The following BMAL2 variants were observed in gnomAD, a reference collection of about 807,000 sequenced individuals.
BMAL2 encodes basic helix-loop-helix ARNT-like protein 2.
the BMAL2 span, among the ~76,000 whole-genome samples, chr12:27,388,993 T>C: frequency 6.6e-6 from 1 of 152,238 alleles, no homozygotes; most frequent in East Asian, 1.9e-4. Flanking sequence ...TATACGCATG[T>C]ATTTTTTTCT....
chr12:27,381,463 T>C, the BMAL2 span, among the ~76,000 whole-genome samples: 1 of 152,122 alleles, frequency 6.6e-6, no homozygotes, highest in Non-Finnish European at 1.5e-5. Flanking sequence ...GCCGGCATCT[T>C]ACATGGCAGG....
At chr12:27,338,089 C>T in the BMAL2 span, among the ~76,000 whole-genome samples, 4 of 152,302 alleles carry the variant, frequency 2.6e-5, no homozygotes, top group East Asian at 5.8e-4. Context: ...CAATTTCTTG[C>T]ACCTATTAAG....
At chr12:27,415,162 G>C in the BMAL2 span, among the ~76,000 whole-genome samples, 1 of 152,190 alleles carries the variant, frequency 6.6e-6, no homozygotes, top group Non-Finnish European at 1.5e-5. Context: ...TGCAGCATGA[G>C]AACTAACTAT....
the BMAL2 span, among the ~76,000 whole-genome samples, chr12:27,374,705 G>A: frequency 4.6e-5 from 7 of 152,148 alleles, no homozygotes; most frequent in African/African-American, 9.7e-5. Flanking sequence ...ACAGGCTGAC[G>A]GTGGTGAGAG....
At chr12:27,371,667 G>T in the BMAL2 span, among the ~76,000 whole-genome samples, 3 of 152,034 alleles carry the variant, frequency 2.0e-5, no homozygotes, top group South Asian at 2.1e-4. Context: ...ATTTTTTAAA[G>T]AATTCATTGC....
At chr12:27,389,893 G>C in the BMAL2 span, 1 of 450,270 alleles carries the variant, frequency 2.2e-6, no homozygotes, top group Non-Finnish European at 3.8e-6. Flanking sequence ...GCAAATGTCT[G>C]TAAGTTATCA....
the BMAL2 span, among the ~76,000 whole-genome samples, chr12:27,374,797 C>T: frequency 1.3e-5 from 2 of 152,182 alleles, no homozygotes; most frequent in African/African-American, 4.8e-5. Context: ...GGACCTTGCA[C>T]AGTCATTAAC....
At chr12:27,370,757 C>T in the BMAL2 span, among the ~76,000 whole-genome samples, 24 of 152,202 alleles carry the variant, frequency 1.6e-4, no homozygotes, top group African/African-American at 2.9e-4. Flanking sequence ...AGGCACCCGC[C>T]GACACACCCG....
chr12:27,383,528 C>G, the BMAL2 span, among the ~76,000 whole-genome samples: 2 of 152,272 alleles, frequency 1.3e-5, no homozygotes, highest in East Asian at 3.9e-4. Flanking sequence ...CATTTTCTCT[C>G]GAGCACATCC....
the BMAL2 span, among the ~76,000 whole-genome samples, chr12:27,338,329 A>G: frequency 6.6e-6 from 1 of 150,862 alleles, no homozygotes; most frequent in Non-Finnish European, 1.5e-5. Flanking sequence ...GGTACAATAT[A>G]TGGGCTAACT....
the BMAL2 span, among the ~76,000 whole-genome samples, chr12:27,375,086 A>G: frequency 6.6e-6 from 1 of 152,206 alleles, no homozygotes; most frequent in Non-Finnish European, 1.5e-5. Flanking sequence ...AAAGAGTTCA[A>G]CTGAATAAGA....
chr12:27,407,268 G>A, the BMAL2 span, among the ~76,000 whole-genome samples: 13 of 152,242 alleles, frequency 8.5e-5, no homozygotes, highest in African/African-American at 3.1e-4. Context: ...AGAACTCTCT[G>A]CCCCGAATCA....
the BMAL2 span, chr12:27,390,140 G>A: frequency 6.2e-7 from 1 of 1,614,032 alleles, no homozygotes; most frequent in Admixed American, 1.7e-5. Flanking sequence ...AAGGACACGT[G>A]TGTATTCTGG....
chr12:27,372,610 T>G, the BMAL2 span, among the ~76,000 whole-genome samples: 2 of 152,254 alleles, frequency 1.3e-5, no homozygotes, highest in African/African-American at 4.8e-5. Context: ...TCATGTTACA[T>G]TCCCATGAGT....
chr12:27,386,183 A>G, the BMAL2 span, among the ~76,000 whole-genome samples: 2 of 152,202 alleles, frequency 1.3e-5, no homozygotes, highest in Non-Finnish European at 2.9e-5. Context: ...TTATTTGAAC[A>G]GCTGAATTTA....
the BMAL2 span, among the ~76,000 whole-genome samples, chr12:27,336,264 T>C: frequency 1.3e-5 from 2 of 152,168 alleles, no homozygotes; most frequent in African/African-American, 4.8e-5. Context: ...CCGCCTGTTC[T>C]GTGAGACAGT....
the BMAL2 span, among the ~76,000 whole-genome samples, chr12:27,405,956 C>T: frequency 1.3e-5 from 2 of 152,158 alleles, no homozygotes; most frequent in African/African-American, 4.8e-5. Flanking sequence ...TGCAAAGCCT[C>T]AGTAGCCAAT....
chr12:27,385,212 G>A, the BMAL2 span, among the ~76,000 whole-genome samples: 1 of 152,170 alleles, frequency 6.6e-6, no homozygotes, highest in Non-Finnish European at 1.5e-5. Context: ...TATTCAGGAG[G>A]CTGAGGCACG....
chr12:27,413,173 A>G, the BMAL2 span, among the ~76,000 whole-genome samples: 4 of 152,228 alleles, frequency 2.6e-5, no homozygotes, highest in Non-Finnish European at 4.4e-5. Context: ...AAGGGTGCCA[A>G]TTAACAAATG....
Sources: allele counts gnomAD v4.1 joint callset (sites outside exome capture counted in the v4.1 genomes callset), GRCh38; gene constraint gnomAD v4.1.1; transcripts MANE v1.5; gene names NCBI Gene and HGNC (gene_info 2026-07-23, HGNC 2026-07-21).